Variants in TMEM135 observed in about 807,000 individuals in gnomAD.
TMEM135 encodes transmembrane protein 135, also known as peroxisomal membrane protein 52.
In TMEM135, 30 loss-of-function variants were observed where a neutral mutation model predicts 60.3. The ratio of observed to expected loss-of-function variants is 0.50; its 90% CI spans 0.37 to 0.68. The LOEUF is 0.68. TMEM135 is among the 30% of genes least tolerant of loss of function. TMEM135 has a pLI of 0.00. For missense variants in TMEM135, 468 were observed against 548.8 expected (o/e 0.85, Z 1.47); for synonymous variants, 190 against 186.7 (o/e 1.02, Z -0.14).
intron 4 of TMEM135, among the ~76,000 whole-genome samples, chr11:87,137,000 T>A (rs1277680065): frequency 6.6e-6 from 1 of 152,068 alleles, no homozygotes; most frequent in Non-Finnish European, 1.5e-5. Flanking sequence ...TCAAGTTGAT[T>A]AATAGTATTT....
intron 5 of TMEM135, among the ~76,000 whole-genome samples, chr11:87,232,164 T>A (rs907428703): frequency 1.3e-5 from 2 of 152,152 alleles, no homozygotes; most frequent in Admixed American, 1.3e-4. Context: ...TTGGACAGAC[T>A]GGTCATGAAC....
chr11:87,223,697 A>ACACACACACAC (rs1565492140), intron 5 of TMEM135, among the ~76,000 whole-genome samples: 1 of 150,094 alleles, frequency 6.7e-6, no homozygotes, highest in African/African-American at 2.5e-5. Context: ...ACACACACAC[A>ACACACACACAC]AAATTAGCTG....
intron 5 of TMEM135, among the ~76,000 whole-genome samples, chr11:87,205,080 T>C (rs1305523448): frequency 1.3e-5 from 2 of 152,240 alleles, no homozygotes; most frequent in African/African-American, 4.8e-5. Flanking sequence ...AAATCATTTT[T>C]GCCATTTTAC....
chr11:87,049,369 G>A (rs925269589), intron 1 of TMEM135, among the ~76,000 whole-genome samples: 1 of 70,232 alleles, frequency 1.4e-5, no homozygotes, highest in African/African-American at 7.8e-5. Context: ...ACACAGACTG[G>A]CAAGTTGGAT....
intron 4 of TMEM135, among the ~76,000 whole-genome samples, chr11:87,112,366 A>T (rs1857775857): frequency 7.1e-6 from 1 of 141,556 alleles, no homozygotes; most frequent in Non-Finnish European, 1.5e-5. Context: ...AAGCCCTAAA[A>T]AATCGCTCAC....
intron 3 of TMEM135, among the ~76,000 whole-genome samples, chr11:87,086,843 G>A (rs1345419015): frequency 6.6e-6 from 1 of 152,188 alleles, no homozygotes; most frequent in Non-Finnish European, 1.5e-5. Context: ...TCTTTGGCTT[G>A]GAGGTAGGAT....
At chr11:87,252,393 G>GA (rs200092538) in intron 6 of TMEM135, among the ~76,000 whole-genome samples, 2,935 of 152,028 alleles carry the variant, frequency 0.019, 48 homozygotes, top group Non-Finnish European at 0.028. Flanking sequence ...AAAGAGGACT[G>GA]AAAAAAAGTA....
chr11:87,241,678 G>A (rs941250412), intron 6 of TMEM135, among the ~76,000 whole-genome samples: 2 of 151,802 alleles, frequency 1.3e-5, no homozygotes, highest in Non-Finnish European at 2.9e-5. Flanking sequence ...ATTTTTTCCA[G>A]CCTCTGGTAA....
chr11:87,302,322 C>T lies in TMEM135; in HGVS notation c.578C>T (p.Pro193Leu), dbSNP rs17854687. 1.8e-5 allele frequency: 29 copies of T among 1,613,386 alleles called. No individual in the cohort carries two copies. Among genetic ancestry groups the T allele is most frequent in the Non-Finnish European group, 2.5e-5 (29 of 1,179,856 alleles). Reference protein sequence around the residue: ...LRFIVGKEEIPTHSFSPEAAY... With the variant: ...LRFIVGKEEILTHSFSPEAAY... The stretch of plus-strand genomic sequence containing the variant: ...TTCATTGTAGGGAAGGAAGAAATTC[C>T]CACACATTCTTTTTCACCAGAGGCA... The change falls in exon 8 of 15, where the codon CCC (proline) becomes CTC (leucine). Residue 193 changes from proline (P) to leucine (L), a missense_variant. Physicochemically the swap from Pro to Leu is moderately conservative, Grantham distance 98. Transcript: ENST00000305494.
At chr11:87,140,329 A>T (rs932366294) in intron 4 of TMEM135, among the ~76,000 whole-genome samples, 2 of 152,010 alleles carry the variant, frequency 1.3e-5, no homozygotes, top group African/African-American at 4.8e-5. Context: ...GGCCTCCCAA[A>T]GTGCTGGGAT....
intron 5 of TMEM135, among the ~76,000 whole-genome samples, chr11:87,199,346 G>A (rs1026589732): frequency 6.6e-6 from 1 of 152,160 alleles, no homozygotes; most frequent in African/African-American, 2.4e-5. Flanking sequence ...AAGACGGTGC[G>A]TTCATGTCAA....
rs770897413 is a variant in TMEM135 at position 87,120,110 on chromosome 11, C to CTTTTTTTTTT, written c.396+28717_396+28718insTTTTTTTTTT. ...GAACTTATTAGTCTGTTTTTTTCTTCTTCTTCTTTTTTTTTTTTTTTTGAG... is the reference window on the plus strand; with the variant it reads ...GAACTTATTAGTCTGTTTTTTTCTTCTTTTTTTTTTTTCTTCTTTTTTTTTTTTTTTTGAG... On this transcript the variant is annotated intron_variant, in intron 4 of 14. Transcript: ENST00000305494. Among the ~76,000 whole-genome samples, 41 of 130,920 alleles carry CTTTTTTTTTT rather than the reference C, an allele frequency of 3.1e-4. 1 individual carries two copies. The highest frequency in any genetic ancestry group is 7.7e-4 in the African/African-American group (27 of 35,204). The allele number at this position is 130,920 out of a possible 152,430, so 85.9% of individuals were successfully genotyped here.
intron 7 of TMEM135, 80 bp from the exon 8 acceptor site, chr11:87,302,216 G>A: frequency 6.9e-7 from 1 of 1,453,722 alleles, no homozygotes; most frequent in Non-Finnish European, 9.4e-7. Context: ...AAGCGTATTT[G>A]TTTATAAACA....
chr11:87,280,105 CTTAAAG>C (rs137898300), intron 6 of TMEM135, among the ~76,000 whole-genome samples: 2,483 of 152,166 alleles, frequency 0.016, 73 homozygotes, highest in African/African-American at 0.057. Context: ...TAAAATATGT[CTTAAAG>C]TTAATGTGTG....
At chr11:87,262,881 G>C (rs555139969) in intron 6 of TMEM135, among the ~76,000 whole-genome samples, 57 of 152,180 alleles carry the variant, frequency 3.7e-4, no homozygotes, top group Admixed American at 9.8e-4. Flanking sequence ...TTTCAATTTA[G>C]CACATACATA....
chr11:87,149,499 C>T (rs1938500396), intron 4 of TMEM135, among the ~76,000 whole-genome samples: 1 of 152,152 alleles, frequency 6.6e-6, no homozygotes, highest in Non-Finnish European at 1.5e-5. Flanking sequence ...ATATTTGCAC[C>T]TGCTTTCTTT....
chr11:87,108,489 TA>T (rs934534022), intron 4 of TMEM135, among the ~76,000 whole-genome samples: 1 of 151,520 alleles, frequency 6.6e-6, no homozygotes, highest in Admixed American at 6.6e-5. Flanking sequence ...CAATTTTATT[TA>T]AAAAAACTCT....
At chr11:87,044,058 C>T (rs186473198) in intron 1 of TMEM135, among the ~76,000 whole-genome samples, 145 of 152,196 alleles carry the variant, frequency 9.5e-4, no homozygotes, top group Non-Finnish European at 1.8e-3. Context: ...TGTTTTTTCA[C>T]TGACCTTTAG....
intron 5 of TMEM135, among the ~76,000 whole-genome samples, chr11:87,162,707 G>C (rs1221644676): frequency 6.6e-6 from 1 of 152,108 alleles, no homozygotes; most frequent in Non-Finnish European, 1.5e-5. Context: ...TTATAGTAGA[G>C]TGATTTATAA....
Sources: allele counts gnomAD v4.1 joint callset (sites outside exome capture counted in the v4.1 genomes callset), GRCh38; gene constraint gnomAD v4.1.1; transcripts MANE v1.5; gene names NCBI Gene and HGNC (gene_info 2026-07-23, HGNC 2026-07-21).